The following GABRG3 variants were observed in gnomAD, a reference collection of about 807,000 sequenced individuals.
GABRG3 encodes the protein gamma-aminobutyric acid type A receptor subunit gamma3.
GABRG3 carries 25 observed loss-of-function variants against 48.8 expected under a neutral mutation model. That is an observed-to-expected ratio of 0.51 (90% CI 0.37 to 0.72). The LOEUF is 0.72. Among genes scored for constraint, GABRG3 ranks in the 30% least tolerant of loss-of-function variants. The pLI is 0.00. For missense variants in GABRG3, 394 were observed against 577.9 expected (o/e 0.68, Z 3.26); for synonymous variants, 227 against 217.6 (o/e 1.04, Z -0.38).
chr15:27,043,294 G>C (rs994230460), intron 3 of GABRG3, among the ~76,000 whole-genome samples: 13 of 152,202 alleles, frequency 8.5e-5, no homozygotes, highest in Non-Finnish European at 2.9e-5. Context: ...GGCTAGGAGT[G>C]TGCAGTTAAG....
At chr15:27,410,905 G>A (rs1887778031) in intron 5 of GABRG3, among the ~76,000 whole-genome samples, 2 of 149,904 alleles carry the variant, frequency 1.3e-5, no homozygotes, top group Admixed American at 6.7e-5. Context: ...TGCTTTCAGT[G>A]CTTTGGCAGA....
chr15:27,133,671 T>G (rs2140384721), intron 3 of GABRG3, among the ~76,000 whole-genome samples: 1 of 152,364 alleles, frequency 6.6e-6, no homozygotes, highest in African/African-American at 2.4e-5. Context: ...AGCTTTTTAT[T>G]AGTTTTTATG....
Position 27,534,638 on chromosome 15 carries a change from GAGAAAGTAT to G in GABRG3, c.*1763_*1771del, listed in dbSNP as rs1365919072. 6.6e-6 allele frequency: 1 copy of G among 152,184 alleles called. No individual in the cohort carries two copies. The highest frequency in any genetic ancestry group is 1.5e-5 in the Non-Finnish European group (1 of 68,040). 9.4% of individuals were successfully genotyped at this position (152,184 alleles called of 1,614,324 possible). A position where few individuals can be genotyped will look rare whatever the true frequency, so the allele number is the denominator to read the frequency against. Reference sequence around the variant, plus strand: ...ACCCAGAAACGTAAAATATTTTGCAGAGAAAGTATAGAAAAGTATCAATTTCACACAATG... The same window carrying G: ...ACCCAGAAACGTAAAATATTTTGCAGAGAAAAGTATCAATTTCACACAATG... On this transcript the variant is annotated 3_prime_UTR_variant, in exon 10 of 10. Transcript: ENST00000615808.
chr15:27,456,744 T>C (rs4432228), intron 5 of GABRG3, among the ~76,000 whole-genome samples: 79,743 of 152,008 alleles, frequency 0.52, 22,782 homozygotes, highest in East Asian at 0.96. Flanking sequence ...CACCGTCTCC[T>C]GGGTCTCAGA....
At chr15:27,211,196 A>T (rs955619504) in intron 3 of GABRG3, among the ~76,000 whole-genome samples, 19 of 152,304 alleles carry the variant, frequency 1.2e-4, no homozygotes, top group African/African-American at 4.3e-4. Context: ...CCAGGAGTGG[A>T]TCTGCCTCTA....
At chr15:27,485,786 GA>G (rs1890206373) in intron 6 of GABRG3, among the ~76,000 whole-genome samples, 2 of 152,052 alleles carry the variant, frequency 1.3e-5, no homozygotes, top group South Asian at 4.1e-4. Flanking sequence ...TTCCAAATGT[GA>G]AAAGAAACAG....
chr15:27,404,843 T>C (rs950405054), intron 5 of GABRG3, among the ~76,000 whole-genome samples: 3 of 152,228 alleles, frequency 2.0e-5, no homozygotes, highest in Non-Finnish European at 4.4e-5. Flanking sequence ...GCTCTTGGTC[T>C]GTCTCAGCCG....
At chr15:27,436,676 A>G (rs952417247) in intron 5 of GABRG3, among the ~76,000 whole-genome samples, 2 of 152,202 alleles carry the variant, frequency 1.3e-5, no homozygotes, top group Admixed American at 6.5e-5. Context: ...ACAATTGTCC[A>G]CACATCCTTA....
Position 27,218,700 on chromosome 15 carries a change from T to C in GABRG3, c.271-108109T>C, listed in dbSNP as rs550357723. Among the ~76,000 whole-genome samples, 6 of 152,286 alleles carry C rather than the reference T, an allele frequency of 3.9e-5. No homozygotes were observed. In the South Asian group the frequency reaches 8.3e-4, roughly 21 times the overall value. On this transcript the variant is annotated intron_variant, in intron 3 of 9. Coordinates refer to ENST00000615808, the MANE Select transcript of GABRG3 (RefSeq NM_033223.5). The stretch of plus-strand genomic sequence containing the variant: ...TCATTCCTACCCTCAATGCAAATCT[T>C]ATGTGCTGGGTTTTTCATATAAGGA...
intron 2 of GABRG3, among the ~76,000 whole-genome samples, chr15:27,022,339 T>C (rs371377526): frequency 6.6e-6 from 1 of 152,140 alleles, no homozygotes; most frequent in South Asian, 2.1e-4. Context: ...ATTAACCCCA[T>C]TTTAGAAGGA....
At chr15:27,162,433 A>C in intron 3 of GABRG3, among the ~76,000 whole-genome samples, 1 of 152,206 alleles carries the variant, frequency 6.6e-6, no homozygotes, top group East Asian at 1.9e-4. Context: ...ACAAAAGGAT[A>C]AAGTGAATAT....
intron 5 of GABRG3, among the ~76,000 whole-genome samples, chr15:27,453,433 G>T (rs1356171705): frequency 1.3e-5 from 2 of 152,090 alleles, no homozygotes; most frequent in Admixed American, 6.5e-5. Context: ...ATTATATAAA[G>T]CTAGAAGAAT....
chr15:27,264,158 T>C (rs1048401161), intron 3 of GABRG3, among the ~76,000 whole-genome samples: 2 of 151,874 alleles, frequency 1.3e-5, no homozygotes, highest in Non-Finnish European at 2.9e-5. Context: ...GACAGCGGCC[T>C]CTGGAGAAAC....
At chr15:27,169,335 G>A (rs1488838740) in intron 3 of GABRG3, among the ~76,000 whole-genome samples, 1 of 152,144 alleles carries the variant, frequency 6.6e-6, no homozygotes, top group Non-Finnish European at 1.5e-5. Flanking sequence ...AGCACTTCCT[G>A]GGGAGGGAGG....
rs866674558 is a variant in GABRG3, at chr15:27,088,255, G to A, written c.270+61434G>A. ...CGTTCTGGGAGTGCTCGGGGCGGGC[G>A]CGGGGGCGGGCGCGGGGGCGGGCGC... On this transcript the variant is annotated intron_variant, in intron 3 of 9. Coordinates refer to ENST00000615808, the MANE Select transcript of GABRG3 (RefSeq NM_033223.5). 1.5e-3 allele frequency among the ~76,000 whole-genome samples: 191 copies of A among 128,240 alleles called. 1 individual carries two copies. The highest frequency in any genetic ancestry group is 4.5e-3 in the African/African-American group (167 of 37,192). 84.1% of individuals were successfully genotyped at this position (128,240 alleles called of 152,430 possible).
intron 3 of GABRG3, among the ~76,000 whole-genome samples, chr15:27,186,041 AT>A (rs1888085635): frequency 6.8e-5 from 7 of 103,108 alleles, no homozygotes; most frequent in African/African-American, 2.5e-4. Flanking sequence ...TTCAAATTTT[AT>A]TGTAGAATCG....
chr15:27,355,644 A>G (rs182078150), intron 5 of GABRG3, among the ~76,000 whole-genome samples: 1 of 152,270 alleles, frequency 6.6e-6, no homozygotes, highest in Admixed American at 6.5e-5. Flanking sequence ...ACATGAAAAC[A>G]TGTATTTACA....
At chr15:26,979,994 T>G (rs527669762) in intron 2 of GABRG3, among the ~76,000 whole-genome samples, 1 of 152,340 alleles carries the variant, frequency 6.6e-6, no homozygotes, top group Admixed American at 6.5e-5. Context: ...TGGGAGTTAT[T>G]TCATTTCCTT....
chr15:27,173,716 A>AG (rs1381472022), intron 3 of GABRG3, among the ~76,000 whole-genome samples: 1 of 151,698 alleles, frequency 6.6e-6, no homozygotes, highest in Non-Finnish European at 1.5e-5. Context: ...AAAAAAAAAA[A>AG]AAAAAAAAAT....
Sources: allele counts gnomAD v4.1 joint callset (sites outside exome capture counted in the v4.1 genomes callset), GRCh38; gene constraint gnomAD v4.1.1; transcripts MANE v1.5; gene names NCBI Gene and HGNC (gene_info 2026-07-23, HGNC 2026-07-21).